Variants in TBC1D8 observed in about 807,000 individuals in gnomAD.
The protein encoded by TBC1D8 is BUB2-like protein 1.
Under a neutral mutation model 118.8 loss-of-function variants are expected in TBC1D8, and 65 were observed. That is an observed-to-expected ratio of 0.55 (90% CI 0.45 to 0.67). TBC1D8 has a LOEUF of 0.67. Ranked by LOEUF, TBC1D8 falls within the 30% of genes least tolerant of loss-of-function variation. The pLI is 0.00. For synonymous variants in TBC1D8, 566 were observed against 595.8 expected (o/e 0.95, Z 0.73); for missense variants, 1,376 against 1,471.2 (o/e 0.94, Z 1.06).
Position 101,007,870 on chromosome 2 carries a change from A to AAG in TBC1D8, c.3418_3419insCT (p.Phe1140SerfsTer4). On this transcript the variant is annotated frameshift_variant, in exon 20 of 20. Transcript: ENST00000409318. LOFTEE classifies it high-confidence loss of function. Reference sequence around the variant, plus strand: ...AGATTGTGATTGGTGGCTCATTTCAAAAGTTTTGAGATTGTACTGATTGAT... The same window carrying AAG: ...AGATTGTGATTGGTGGCTCATTTCAAAGAAGTTTTGAGATTGTACTGATTGAT... The AAG allele has an allele frequency of 6.2e-7, 1 of 1,613,866 alleles. No homozygotes were observed. Among genetic ancestry groups the AAG allele is most frequent in the African/African-American group, 1.3e-5 (1 of 74,924 alleles).
At chr2:101,132,950 A>C (rs1678658491) in intron 1 of TBC1D8, among the ~76,000 whole-genome samples, 2 of 152,000 alleles carry the variant, frequency 1.3e-5, no homozygotes, top group Admixed American at 1.3e-4. Context: ...TATCTTATTC[A>C]AATTTATAGA....
At chr2:101,141,801 G>GCACA (rs546696387) in intron 1 of TBC1D8, among the ~76,000 whole-genome samples, 1 of 146,124 alleles carries the variant, frequency 6.8e-6, no homozygotes. Flanking sequence ...ACATGAAGGC[G>GCACA]CGCACACACA....
At chr2:101,072,369 A>G (rs1319969985) in intron 2 of TBC1D8, among the ~76,000 whole-genome samples, 1 of 151,984 alleles carries the variant, frequency 6.6e-6, no homozygotes, top group Non-Finnish European at 1.5e-5. Context: ...GGAGAGAGAG[A>G]GAAGGAGAGA....
chr2:101,132,784 G>A (rs1014749442), intron 1 of TBC1D8, among the ~76,000 whole-genome samples: 1 of 151,756 alleles, frequency 6.6e-6, no homozygotes, highest in Non-Finnish European at 1.5e-5. Context: ...ATTTTTTGTA[G>A]AGATGGAGTC....
At chr2:101,018,892 T>G in intron 17 of TBC1D8, 4 of 1,449,320 alleles carry the variant, frequency 2.8e-6, no homozygotes, top group Non-Finnish European at 3.8e-6. Flanking sequence ...ATCCGTAGGT[T>G]TATCAATCTG....
chr2:101,127,379 T>C (rs1001585368), intron 1 of TBC1D8, among the ~76,000 whole-genome samples: 1 of 147,570 alleles, frequency 6.8e-6, no homozygotes, highest in Non-Finnish European at 1.5e-5. Context: ...AGGTCCCATA[T>C]GGCCCTAAAG....
chr2:101,111,642 T>C (rs1163822763), intron 1 of TBC1D8, among the ~76,000 whole-genome samples: 1 of 152,220 alleles, frequency 6.6e-6, no homozygotes, highest in Non-Finnish European at 1.5e-5. Context: ...ACAATGGGTG[T>C]GGCTGCTAGC....
intron 1 of TBC1D8, among the ~76,000 whole-genome samples, chr2:101,149,348 G>A (rs1445685493): frequency 6.6e-6 from 1 of 152,176 alleles, no homozygotes; most frequent in Non-Finnish European, 1.5e-5. Context: ...TGGACAGGAA[G>A]CGGGCTTGAA....
At chr2:101,136,588 G>T (rs1386304336) in intron 1 of TBC1D8, among the ~76,000 whole-genome samples, 1 of 152,198 alleles carries the variant, frequency 6.6e-6, no homozygotes, top group African/African-American at 2.4e-5. Flanking sequence ...GCCTAAGTGA[G>T]CATCAAAGCC....
chr2:101,038,390 G>C, intron 7 of TBC1D8, 71 bp downstream of exon 7: 1 of 1,526,970 alleles, frequency 6.5e-7, no homozygotes, highest in Non-Finnish European at 8.9e-7. Flanking sequence ...CTCTCCCCAT[G>C]TGTACTCCCC....
intron 1 of TBC1D8, among the ~76,000 whole-genome samples, chr2:101,137,453 C>T (rs1439840758): frequency 3.3e-5 from 5 of 152,142 alleles, no homozygotes; most frequent in Admixed American, 2.0e-4. Flanking sequence ...GCTGGGACTA[C>T]AGGCGCCCGC....
chr2:101,021,665 AC>A lies in TBC1D8; in HGVS notation c.2827+15del. The A allele has an allele frequency of 6.4e-7, 1 of 1,568,504 alleles. No individual in the cohort carries two copies. Among genetic ancestry groups the A allele is most frequent in the East Asian group, 2.2e-5 (1 of 44,566 alleles). On this transcript the variant is annotated intron_variant, in intron 17 of 19. Coordinates refer to ENST00000409318, the MANE Select transcript of TBC1D8 (RefSeq NM_001330348.2). ...AAGCAGAGCACAGTCTGATTTTGCTACTTGGACTTTCTTACCTGGAGGGATA... is the reference window on the plus strand; with the variant it reads ...AAGCAGAGCACAGTCTGATTTTGCTATTGGACTTTCTTACCTGGAGGGATA...
At chr2:101,129,377 G>A (rs116732923) in intron 1 of TBC1D8, among the ~76,000 whole-genome samples, 19,748 of 152,022 alleles carry the variant, frequency 0.13, 1,437 homozygotes, top group East Asian at 0.28. Context: ...TCCTGAACTC[G>A]GGTAATCTGC....
chr2:101,092,289 G>A (rs1448680886), intron 1 of TBC1D8, among the ~76,000 whole-genome samples: 1 of 152,090 alleles, frequency 6.6e-6, no homozygotes, highest in Non-Finnish European at 1.5e-5. Flanking sequence ...ATATATTTTC[G>A]GCAAGAATCA....
chr2:101,099,518 G>C (rs1486100820), intron 1 of TBC1D8, among the ~76,000 whole-genome samples: 1 of 152,182 alleles, frequency 6.6e-6, no homozygotes, highest in African/African-American at 2.4e-5. Context: ...TACGAAGCCA[G>C]CATCATCCTG....
chr2:101,062,254 G>A (rs1318582759), intron 2 of TBC1D8, among the ~76,000 whole-genome samples: 1 of 151,896 alleles, frequency 6.6e-6, no homozygotes. Context: ...TTTCTTTCTA[G>A]GTCTTTATCC....
chr2:101,090,243 C>A lies in TBC1D8; in HGVS notation c.249G>T (p.Leu83=), dbSNP rs1293327752. 6.2e-7 allele frequency: 1 copy of A among 1,613,964 alleles called. No individual in the cohort carries two copies. Among genetic ancestry groups the A allele is most frequent in the Admixed American group, 1.7e-5 (1 of 60,014 alleles). ...TGGCCCAGTAAACGTCTGATCCATT[C>A]AGTAACTCACCACATGCTATGGGAG... ...VYSPIACGEL[L]NGSDVYWAIA... is the part of the protein sequence containing the mutation. The change falls in exon 2 of 20, where the codon CTG becomes CTT. Residue 83 remains leucine, a synonymous_variant. Coordinates refer to ENST00000409318, the MANE Select transcript of TBC1D8 (RefSeq NM_001330348.2).
At position 101,032,348 on chromosome 2, in the gene TBC1D8, G is replaced by A; in HGVS notation, c.1856C>T (p.Thr619Ile). The A allele has an allele frequency of 1.2e-6, 2 of 1,613,804 alleles. No homozygotes were observed. Among genetic ancestry groups the A allele is most frequent in the Non-Finnish European group, 1.7e-6 (2 of 1,179,754 alleles). Residue 619 changes from threonine (T) to isoleucine (I), a missense_variant, in exon 11 of 20, where the codon ACC (threonine) becomes ATC (isoleucine). By Grantham distance (89) the Thr-to-Ile change is moderately conservative (BLOSUM62 -1). Transcript: ENST00000409318. ...NILTSVLLLY[T>I]KEEEAFWLLV... ...CAGCCAGAAGGCTTCCTCCTCCTTG[G>A]TGTACAGCAGCAGCACGGAGGTCAG...
At chr2:101,055,753 G>A (rs1374813833) in intron 3 of TBC1D8, among the ~76,000 whole-genome samples, 3 of 152,130 alleles carry the variant, frequency 2.0e-5, no homozygotes, top group Non-Finnish European at 4.4e-5. Flanking sequence ...CCTTCCCTGA[G>A]AATATCTTCT....
Sources: gnomAD v4.1 joint callset for allele counts (sites outside exome capture counted in the v4.1 genomes callset) on GRCh38, gnomAD v4.1.1 for gene constraint, MANE v1.5 for transcripts, NCBI Gene and HGNC (gene_info 2026-07-23, HGNC 2026-07-21) for gene names.